PLCL2: variants seen among roughly 807,000 people sequenced by gnomAD.
The protein encoded by PLCL2 is inactive phospholipase C-like protein 2.
In PLCL2, 4 loss-of-function variants were observed where a neutral mutation model predicts 79.6. That is an observed-to-expected ratio of 0.05 (90% CI 0.02 to 0.11). The LOEUF is 0.11. Among genes scored for constraint, PLCL2 ranks in the 10% least tolerant of loss-of-function variants. The pLI is 1.00. For missense variants in PLCL2, 895 were observed against 1,291.0 expected (o/e 0.69, Z 4.70); for synonymous variants, 484 against 457.7 (o/e 1.06, Z -0.73).
intron 1 of PLCL2, among the ~76,000 whole-genome samples, chr3:16,975,190 A>T (rs1469159276): frequency 2.6e-5 from 4 of 152,230 alleles, no homozygotes; most frequent in Non-Finnish European, 5.9e-5. Flanking sequence ...ACTAAGGCAG[A>T]GATAGAAAGA....
intron 4 of PLCL2, among the ~76,000 whole-genome samples, chr3:17,061,721 G>C (rs2064955079): frequency 6.6e-6 from 1 of 151,980 alleles, no homozygotes; most frequent in Admixed American, 6.6e-5. Flanking sequence ...ATTCAATAAT[G>C]TAATTTTGTA....
intron 4 of PLCL2, 129 bp downstream of exon 4, chr3:17,043,078 A>G: frequency 1.6e-6 from 1 of 645,094 alleles, no homozygotes; most frequent in Non-Finnish European, 2.8e-6. Context: ...CTATGGCTAA[A>G]GAAAATACCA....
intron 5 of PLCL2, among the ~76,000 whole-genome samples, chr3:17,072,692 A>C (rs573926440): frequency 1.3e-5 from 2 of 151,886 alleles, no homozygotes; most frequent in East Asian, 3.9e-4. Flanking sequence ...AAAAAAGACA[A>C]TATGAGCATT....
At chr3:17,069,624 G>A (rs1432040180) in intron 5 of PLCL2, among the ~76,000 whole-genome samples, 2 of 152,182 alleles carry the variant, frequency 1.3e-5, no homozygotes, top group Non-Finnish European at 2.9e-5. Flanking sequence ...AGACCATAAA[G>A]ACATTATCAC....
intron 5 of PLCL2, among the ~76,000 whole-genome samples, chr3:17,073,280 A>G (rs1455615501): frequency 6.6e-6 from 1 of 152,232 alleles, no homozygotes; most frequent in Non-Finnish European, 1.5e-5. Context: ...GTTTCCCAGT[A>G]TATATAAAAG....
chr3:17,000,691 C>T (rs1013990155), intron 1 of PLCL2, among the ~76,000 whole-genome samples: 6 of 152,152 alleles, frequency 3.9e-5, no homozygotes, highest in Admixed American at 2.0e-4. Context: ...ATTCGTCTTT[C>T]TGTGTCTGAT....
At chr3:16,974,376 G>A (rs2063902715) in intron 1 of PLCL2, among the ~76,000 whole-genome samples, 1 of 152,176 alleles carries the variant, frequency 6.6e-6, no homozygotes, top group African/African-American at 2.4e-5. Flanking sequence ...GGAAAGGATA[G>A]AAGTGGATGG....
intron 1 of PLCL2, among the ~76,000 whole-genome samples, chr3:16,964,739 G>T (rs963842540): frequency 2.0e-5 from 3 of 151,988 alleles, no homozygotes; most frequent in African/African-American, 7.3e-5. Context: ...GTATCTCATT[G>T]TGGTTTTGAT....
intron 1 of PLCL2, among the ~76,000 whole-genome samples, chr3:16,892,151 C>T (rs1293248888): frequency 6.6e-6 from 1 of 152,240 alleles, no homozygotes; most frequent in Non-Finnish European, 1.5e-5. Context: ...TTAGACTTAA[C>T]TCCAACTGGT....
intron 5 of PLCL2, among the ~76,000 whole-genome samples, chr3:17,078,002 C>T (rs1187041174): frequency 2.6e-5 from 4 of 152,176 alleles, no homozygotes; most frequent in Non-Finnish European, 5.9e-5. Flanking sequence ...TTGTTCTGGC[C>T]TTGGTCTGTT....
At chr3:16,957,585 G>C (rs1490141702) in intron 1 of PLCL2, among the ~76,000 whole-genome samples, 1 of 152,106 alleles carries the variant, frequency 6.6e-6, no homozygotes, top group African/African-American at 2.4e-5. Flanking sequence ...GGGTATCCTT[G>C]TTAACTTTCT....
At chr3:17,055,088 C>A (rs1427315100) in intron 4 of PLCL2, among the ~76,000 whole-genome samples, 2 of 152,084 alleles carry the variant, frequency 1.3e-5, no homozygotes, top group Non-Finnish European at 2.9e-5. Flanking sequence ...ACAAGTCATC[C>A]CATACAATGT....
chr3:16,903,282 T>A (rs780182366), intron 1 of PLCL2, among the ~76,000 whole-genome samples: 2 of 151,776 alleles, frequency 1.3e-5, no homozygotes, highest in Non-Finnish European at 2.9e-5. Context: ...TTGAAAAAAA[T>A]TATTTTTTAT....
At chr3:16,897,574 G>C (rs1265393143) in intron 1 of PLCL2, among the ~76,000 whole-genome samples, 1 of 152,242 alleles carries the variant, frequency 6.6e-6, no homozygotes, top group Non-Finnish European at 1.5e-5. Context: ...TGCTAAATGA[G>C]TGTAGTAAAA....
At chr3:17,041,276 T>C (rs1406457258) in intron 3 of PLCL2, among the ~76,000 whole-genome samples, 1 of 152,204 alleles carries the variant, frequency 6.6e-6, no homozygotes, top group Non-Finnish European at 1.5e-5. Flanking sequence ...GTGCAAACTC[T>C]GCCATAGGCT....
At chr3:16,900,765 C>A (rs1041236100) in intron 1 of PLCL2, among the ~76,000 whole-genome samples, 1 of 152,076 alleles carries the variant, frequency 6.6e-6, no homozygotes, top group Non-Finnish European at 1.5e-5. Context: ...AAGTTGAGGC[C>A]CATGTAAAAT....
intron 1 of PLCL2, among the ~76,000 whole-genome samples, chr3:16,926,850 C>T (rs1697266314): frequency 1.3e-5 from 2 of 151,976 alleles, no homozygotes; most frequent in African/African-American, 4.8e-5. Flanking sequence ...AGGATGGTCT[C>T]GGTCTCCTGA....
chr3:17,048,442 A>G (rs1308640399), intron 4 of PLCL2, among the ~76,000 whole-genome samples: 1 of 152,236 alleles, frequency 6.6e-6, no homozygotes, highest in Non-Finnish European at 1.5e-5. Context: ...TGCATAAAAT[A>G]TATGTAGGTA....
chr3:17,030,342 T>G (rs1283564691), intron 3 of PLCL2, among the ~76,000 whole-genome samples: 1 of 152,172 alleles, frequency 6.6e-6, no homozygotes, highest in Non-Finnish European at 1.5e-5. Flanking sequence ...TCATTGTCAT[T>G]ATGATTGTCA....
Sources: allele counts gnomAD v4.1 joint callset (sites outside exome capture counted in the v4.1 genomes callset), GRCh38; gene constraint gnomAD v4.1.1; transcripts MANE v1.5; gene names NCBI Gene and HGNC (gene_info 2026-07-23, HGNC 2026-07-21).